MTHFD2L: variants seen among roughly 807,000 people sequenced by gnomAD.
MTHFD2L encodes bifunctional methylenetetrahydrofolate dehydrogenase/cyclohydrolase 2, mitochondrial.
A neutral mutation model predicts 34.9 loss-of-function variants in MTHFD2L; 29 were observed. The observed-to-expected ratio is 0.83, with a 90% CI of 0.62 to 1.13. MTHFD2L has a LOEUF of 1.13. MTHFD2L is among the 50% of genes most tolerant of loss of function. MTHFD2L has a pLI of 0.00. For missense variants in MTHFD2L, 481 were observed against 446.5 expected (o/e 1.08, Z -0.70); for synonymous variants, 167 against 155.7 (o/e 1.07, Z -0.54).
Position 74,136,528 on chromosome 4 carries a change from T to A in MTHFD2L, c.-297+11011T>A, listed in dbSNP as rs546309676. Among the ~76,000 whole-genome samples, 14 of 152,234 alleles carry A rather than the reference T, an allele frequency of 9.2e-5. No homozygotes were observed. The East Asian group carries it at 2.7e-3, about 29-fold the overall frequency. On this transcript the variant is annotated intron_variant, in intron 1 of 7. Coordinates refer to the MTHFD2L transcript ENST00000433372. ...TCCGCTCATGGATTGGAAGACTTAA[T>A]ATTGTTAATATGACAATACTACCCC...
intron 1 of MTHFD2L, among the ~76,000 whole-genome samples, chr4:74,137,024 A>T (rs1722981881): frequency 6.6e-6 from 1 of 152,186 alleles, no homozygotes; most frequent in Non-Finnish European, 1.5e-5. Flanking sequence ...ACTAGAATAA[A>T]ACTCTGAGGA....
In MTHFD2L at chr4:74,279,819, T is replaced by C. The variant is rs185535305; in HGVS notation, c.806-1606T>C. ...AAAAGATAAGTTCTATATCACAGGA[T>C]AGGAAAGCAAGGGAAAAATATATCT... On this transcript the variant is annotated intron_variant, in intron 6 of 7. Coordinates refer to ENST00000325278, the MANE Select transcript of MTHFD2L (RefSeq NM_001144978.3). 3.8e-3 allele frequency among the ~76,000 whole-genome samples: 574 copies of C among 152,216 alleles called. 1 individual carries two copies. Among genetic ancestry groups the C allele is most frequent in the Non-Finnish European group, 7.0e-3 (476 of 67,992 alleles).
chr4:74,298,010 A>G (rs1749832099), intron 7 of MTHFD2L, among the ~76,000 whole-genome samples: 1 of 152,080 alleles, frequency 6.6e-6, no homozygotes, highest in Non-Finnish European at 1.5e-5. Flanking sequence ...AGCCAGCAGC[A>G]GATAAGCTTA....
chr4:74,154,335 T>G (rs2109865674), upstream of MTHFD2L, among the ~76,000 whole-genome samples: 1 of 152,278 alleles, frequency 6.6e-6, no homozygotes, highest in Non-Finnish European at 1.5e-5. Flanking sequence ...TAAACTGAAC[T>G]CTGAAAGGAA....
intron 6 of MTHFD2L, among the ~76,000 whole-genome samples, chr4:74,243,514 G>A (rs545467794): frequency 6.6e-6 from 1 of 151,148 alleles, no homozygotes; most frequent in Non-Finnish European, 1.5e-5. Flanking sequence ...ACAAATATTT[G>A]GTTTATTTTG....
At chr4:74,231,010 C>T (rs562250779) in intron 6 of MTHFD2L, among the ~76,000 whole-genome samples, 4 of 152,214 alleles carry the variant, frequency 2.6e-5, no homozygotes, top group South Asian at 4.2e-4. Context: ...TGCAGTGTCA[C>T]GGTGGTGAAA....
intron 2 of MTHFD2L, among the ~76,000 whole-genome samples, chr4:74,117,421 G>C (rs958725972): frequency 3.3e-5 from 5 of 152,186 alleles, no homozygotes; most frequent in Non-Finnish European, 2.9e-5. Flanking sequence ...TGGGTTTTCA[G>C]GCTGCAGGGT....
intron 6 of MTHFD2L, among the ~76,000 whole-genome samples, chr4:74,264,204 T>C (rs1337659229): frequency 1.3e-5 from 2 of 152,054 alleles, no homozygotes; most frequent in East Asian, 3.9e-4. Flanking sequence ...TCCTATTCTA[T>C]ACCATCAGGT....
upstream of MTHFD2L, among the ~76,000 whole-genome samples, chr4:74,118,581 G>A (rs1231830262): frequency 1.3e-5 from 2 of 152,170 alleles, no homozygotes; most frequent in Non-Finnish European, 2.9e-5. Flanking sequence ...GATTAAATGA[G>A]ATCATGTGGA....
intron 6 of MTHFD2L, among the ~76,000 whole-genome samples, chr4:74,236,796 C>A (rs553943304): frequency 6.6e-6 from 1 of 152,294 alleles, no homozygotes; most frequent in South Asian, 2.1e-4. Context: ...TGAATATTAT[C>A]ACTCACTTCA....
rs572496401 is a variant in MTHFD2L, at chr4:74,206,671, G to A, written c.712+5301G>A. Reference sequence around the variant, plus strand: ...CATTTTTTTTTTTACTTATTTGTATGTAGTCATCTACCAGTTTCACTTTCT... The same window carrying A: ...CATTTTTTTTTTTACTTATTTGTATATAGTCATCTACCAGTTTCACTTTCT... On this transcript the variant is annotated intron_variant, in intron 5 of 7. Transcript: ENST00000325278. Among the ~76,000 whole-genome samples, 12 of 151,756 alleles carry A rather than the reference G, an allele frequency of 7.9e-5. No individual in the cohort carries two copies. The South Asian group carries it at 2.3e-3, about 29-fold the overall frequency.
chr4:74,246,403 G>A (rs1442091217), intron 6 of MTHFD2L, among the ~76,000 whole-genome samples: 17 of 151,604 alleles, frequency 1.1e-4, no homozygotes, highest in African/African-American at 2.4e-4. Context: ...AGTAGGTTGC[G>A]AAAATTTTCT....
At chr4:74,181,910 C>T (rs1208888613) in intron 3 of MTHFD2L, 1 of 152,002 alleles carries the variant, frequency 6.6e-6, no homozygotes, top group African/African-American at 2.4e-5. Flanking sequence ...GTGTATTTGT[C>T]TAAAACTCAT....
At chr4:74,186,547 A>C (rs1468128912) in intron 3 of MTHFD2L, among the ~76,000 whole-genome samples, 1 of 151,700 alleles carries the variant, frequency 6.6e-6, no homozygotes, top group Admixed American at 6.6e-5. Flanking sequence ...GTATACTTTC[A>C]ACCAGATATT....
chr4:74,244,974 C>T (rs1406591204), intron 6 of MTHFD2L, among the ~76,000 whole-genome samples: 1 of 151,924 alleles, frequency 6.6e-6, no homozygotes, highest in African/African-American at 2.4e-5. Context: ...GCGGGCGGAT[C>T]ACAAGGTCAA....
At chr4:74,159,774 A>G (rs1725009043) in intron 1 of MTHFD2L, among the ~76,000 whole-genome samples, 1 of 152,220 alleles carries the variant, frequency 6.6e-6, no homozygotes, top group Admixed American at 6.5e-5. Context: ...ATCCCTATGC[A>G]CTGTAAGAGT....
chr4:74,185,182 T>C (rs1396621705), intron 3 of MTHFD2L, among the ~76,000 whole-genome samples: 1 of 121,522 alleles, frequency 8.2e-6, no homozygotes, highest in Admixed American at 7.5e-5. Context: ...AAAAAAAATC[T>C]GGAAAATCCC....
intron 3 of MTHFD2L, among the ~76,000 whole-genome samples, chr4:74,192,936 G>A (rs965997462): frequency 3.3e-5 from 5 of 151,750 alleles, no homozygotes; most frequent in Non-Finnish European, 5.9e-5. Flanking sequence ...ATGAGCATAA[G>A]ATTTTAATTT....
At chr4:74,161,133 G>A (rs1193373507) in intron 1 of MTHFD2L, 1 of 151,984 alleles carries the variant, frequency 6.6e-6, no homozygotes, top group East Asian at 1.9e-4. Flanking sequence ...TGTCGCACTG[G>A]CATCGGCTGT....
Sources: allele counts gnomAD v4.1 joint callset (sites outside exome capture counted in the v4.1 genomes callset), GRCh38; gene constraint gnomAD v4.1.1; transcripts MANE v1.5; gene names NCBI Gene and HGNC (gene_info 2026-07-23, HGNC 2026-07-21).